CACNA1I: variants seen among roughly 807,000 people sequenced by gnomAD.
The protein encoded by CACNA1I is voltage-dependent T-type calcium channel subunit alpha-1I.
A neutral mutation model predicts 201.6 loss-of-function variants in CACNA1I; 74 were observed. That is an observed-to-expected ratio of 0.37 (90% CI 0.30 to 0.45). The LOEUF (loss-of-function observed/expected upper bound fraction) is 0.45. Among genes scored for constraint, CACNA1I ranks in the 20% least tolerant of loss-of-function variants. The pLI is 1.00. For missense variants in CACNA1I, 2,346 were observed against 3,138.1 expected (o/e 0.75, Z 6.03); for synonymous variants, 1,431 against 1,345.2 (o/e 1.06, Z -1.40).
intron 1 of CACNA1I, among the ~76,000 whole-genome samples, chr22:39,596,611 T>C (rs1932900932): frequency 6.6e-6 from 1 of 150,880 alleles, no homozygotes; most frequent in Admixed American, 6.6e-5. Flanking sequence ...GGCTTCAAAG[T>C]TTGTGCTGAG....
chr22:39,678,384 C>T (rs1010444754), intron 31 of CACNA1I, among the ~76,000 whole-genome samples: 11 of 152,348 alleles, frequency 7.2e-5, no homozygotes, highest in Admixed American at 5.2e-4. Flanking sequence ...CGGAGGGGAC[C>T]TGGGGCCCAG....
At chr22:39,650,692 G>T (rs554651648) in intron 10 of CACNA1I, among the ~76,000 whole-genome samples, 1 of 152,262 alleles carries the variant, frequency 6.6e-6, no homozygotes, top group Non-Finnish European at 1.5e-5. Flanking sequence ...CGCTGAGGGC[G>T]AGTGGCCCTG....
chr22:39,634,023 C>T (rs376297579), intron 4 of CACNA1I, among the ~76,000 whole-genome samples: 7 of 152,214 alleles, frequency 4.6e-5, no homozygotes, highest in Admixed American at 3.3e-4. Flanking sequence ...AACCACTCTG[C>T]AGGTGCTGGG....
At position 39,684,586 on chromosome 22, in the gene CACNA1I, G is replaced by A. The variant is rs1601534537; in HGVS notation, c.6027+88G>A. 7.0e-7 allele frequency: 1 copy of A among 1,430,346 alleles called. No homozygotes were observed. The highest frequency in any genetic ancestry group is 9.6e-7 in the Non-Finnish European group (1 of 1,036,636). The allele number at this position is 1,430,346 out of a possible 1,614,324, so 88.6% of individuals were successfully genotyped here. ...GCCTGGAAGTCCAAGGGACTGGGAG[G>A]GGAAGGACCCAACCAAAGGCCGAGG... On this transcript the variant is annotated intron_variant, in intron 36 of 36. Transcript: ENST00000402142. This position sits in a 1 kb window ranked among gnomAD's most constrained non-coding sequence, Gnocchi z 4.6.
chr22:39,585,386 C>CTTTTTTTTTTTTTTTT (rs67733131), intron 1 of CACNA1I, among the ~76,000 whole-genome samples: 2 of 90,452 alleles, frequency 2.2e-5, no homozygotes, highest in Non-Finnish European at 4.3e-5. Context: ...TTCTTTCTTT[C>CTTTTTTTTTTTTTTTT]TTTTTTTTTT....
In CACNA1I at chr22:39,687,885, G is replaced by T. The variant is rs1935933168; in HGVS notation, c.*1480G>T. On this transcript the variant is annotated 3_prime_UTR_variant, in exon 37 of 37. Coordinates refer to ENST00000402142, the MANE Select transcript of CACNA1I (RefSeq NM_021096.4). Reference sequence around the variant, plus strand: ...GTTTGAAGAAGGAGGTTGGGAGCATGTTGGTGGCAGTGATCTGGAGAGGCT... The same window carrying T: ...GTTTGAAGAAGGAGGTTGGGAGCATTTTGGTGGCAGTGATCTGGAGAGGCT... 6.6e-6 allele frequency: 1 copy of T among 152,282 alleles called. No homozygotes were observed. The highest frequency in any genetic ancestry group is 1.5e-5 in the Non-Finnish European group (1 of 68,060). The allele number at this position is 152,282 out of a possible 1,614,324, so 9.4% of individuals were successfully genotyped here.
At chr22:39,646,913 G>A in intron 8 of CACNA1I, 32 bp downstream of exon 8, 1 of 1,456,486 alleles carries the variant, frequency 6.9e-7, no homozygotes, top group South Asian at 1.4e-5. Flanking sequence ...GCGGCACTCA[G>A]GCACTTCGTG....
At chr22:39,633,644 G>A (rs1934125633) in intron 4 of CACNA1I, among the ~76,000 whole-genome samples, 1 of 146,438 alleles carries the variant, frequency 6.8e-6, no homozygotes, top group South Asian at 2.1e-4. Context: ...AAATCTCACA[G>A]TATGTTTAGG....
intron 4 of CACNA1I, among the ~76,000 whole-genome samples, chr22:39,620,289 A>G (rs888336639): frequency 1.3e-5 from 2 of 151,546 alleles, no homozygotes; most frequent in Admixed American, 1.3e-4. Context: ...ACGTACATAC[A>G]TACATCTGCT....
intron 23 of CACNA1I, among the ~76,000 whole-genome samples, chr22:39,667,917 G>A (rs943634345): frequency 1.3e-5 from 2 of 152,142 alleles, no homozygotes; most frequent in Admixed American, 6.5e-5. Context: ...GTCTGGTTGA[G>A]CCTCAGCTGG....
intron 4 of CACNA1I, among the ~76,000 whole-genome samples, chr22:39,633,604 GA>G (rs146432134): frequency 2.6e-4 from 40 of 152,382 alleles, no homozygotes; most frequent in Non-Finnish European, 5.1e-4. Context: ...TAGGAAGAGG[GA>G]ACAGCAGGGA....
intron 1 of CACNA1I, among the ~76,000 whole-genome samples, chr22:39,572,764 G>T (rs1329887846): frequency 2.0e-5 from 3 of 146,610 alleles, no homozygotes; most frequent in African/African-American, 7.5e-5. Context: ...CATTTGGCTA[G>T]TTTTTTTTTT....
chr22:39,664,728 C>A lies in CACNA1I; in HGVS notation c.3667-11C>A, dbSNP rs748153450. On this transcript the variant is annotated splice_polypyrimidine_tract_variant and intron_variant, in intron 20 of 36. Coordinates refer to ENST00000402142, the MANE Select transcript of CACNA1I (RefSeq NM_021096.4). ...CGCGGCAGCCTGACCCCGGCCCCACCCCCGCCCCAGGTAGTCTCGCTGGGC... is the reference window on the plus strand; with the variant it reads ...CGCGGCAGCCTGACCCCGGCCCCACACCCGCCCCAGGTAGTCTCGCTGGGC... The A allele has an allele frequency of 1.4e-5, 22 of 1,526,074 alleles. No homozygotes were observed. Among genetic ancestry groups the A allele is most frequent in the Non-Finnish European group, 1.9e-5 (21 of 1,122,292 alleles). 94.5% of individuals were successfully genotyped at this position (1,526,074 alleles called of 1,614,324 possible).
chr22:39,600,778 C>T (rs1293109528), intron 3 of CACNA1I, 125 bp downstream of exon 3: 4 of 1,240,974 alleles, frequency 3.2e-6, no homozygotes, highest in Non-Finnish European at 4.2e-6. Flanking sequence ...CCTCCTGGAC[C>T]CCTGGGCTGG....
Position 39,664,658 on chromosome 22 carries a change from C to T in CACNA1I, c.3667-81C>T, listed in dbSNP as rs1338828584. 2.7e-5 allele frequency: 16 copies of T among 598,864 alleles called. No individual in the cohort carries two copies. The Admixed American group carries it at 3.6e-4, about 14-fold the overall frequency. 37.1% of individuals were successfully genotyped at this position (598,864 alleles called of 1,614,324 possible). On this transcript the variant is annotated intron_variant, in intron 20 of 36. Coordinates refer to ENST00000402142, the MANE Select transcript of CACNA1I (RefSeq NM_021096.4). ...AAGCCGATCAGGCCTCGCCCCGCCCCCTTGCATAGAGCCCGGTTGGCCCCG... is the reference window on the plus strand; with the variant it reads ...AAGCCGATCAGGCCTCGCCCCGCCCTCTTGCATAGAGCCCGGTTGGCCCCG...
chr22:39,634,496 G>T, intron 4 of CACNA1I, 69 bp from the exon 5 acceptor site: 1 of 1,481,824 alleles, frequency 6.7e-7, no homozygotes, highest in Non-Finnish European at 9.4e-7. Flanking sequence ...CTCTAACCTT[G>T]CTCTCACTCT....
At chr22:39,667,705 CA>C (rs1458486142) in intron 23 of CACNA1I, among the ~76,000 whole-genome samples, 2 of 152,018 alleles carry the variant, frequency 1.3e-5, no homozygotes, top group Admixed American at 1.3e-4. Flanking sequence ...ACCTCCTTTT[CA>C]AAACCAGGGA....
chr22:39,634,515 T>C lies in CACNA1I; in HGVS notation c.581-50T>C, dbSNP rs59194675. 985 of 1,591,582 alleles carry C rather than the reference T, an allele frequency of 6.2e-4. 4 individuals carry two copies. In the African/African-American group the frequency reaches 0.012, roughly 19 times the overall value. On this transcript the variant is annotated intron_variant, in intron 4 of 36. Transcript: ENST00000402142. ...AACCTTGCTCTCACTCTTTCGTCTC[T>C]GGGACCTCTGCTCCCTGTCTGACCA...
At chr22:39,588,805 C>T (rs971531780) in intron 1 of CACNA1I, among the ~76,000 whole-genome samples, 4 of 152,194 alleles carry the variant, frequency 2.6e-5, no homozygotes, top group Admixed American at 1.3e-4. Context: ...CGTTACTGCT[C>T]TTCTGACCTT....
Sources: allele counts gnomAD v4.1 joint callset (sites outside exome capture counted in the v4.1 genomes callset), GRCh38; gene constraint gnomAD v4.1.1; non-coding constraint Gnocchi (gnomAD v3.1); transcripts MANE v1.5; gene names NCBI Gene and HGNC (gene_info 2026-07-23, HGNC 2026-07-21).